Variants in CSMD3 observed in about 807,000 individuals in gnomAD.
The protein encoded by CSMD3 is CUB and Sushi multiple domains 3.
Under a neutral mutation model 435.2 loss-of-function variants are expected in CSMD3, and 177 were observed. The observed-to-expected ratio is 0.41, with a 90% CI of 0.36 to 0.46. The LOEUF is 0.46. Among genes scored for constraint, CSMD3 ranks in the 20% least tolerant of loss-of-function variants. CSMD3 has a pLI of 0.34. For synonymous variants in CSMD3, 1,656 were observed against 1,520.5 expected, an observed-to-expected ratio of 1.09 and a Z score of -2.07; for missense variants, 4,265 against 4,504.6, an observed-to-expected ratio of 0.95 and a Z score of 1.52.
At chr8:113,122,796 T>C (rs978400106) in intron 4 of CSMD3, among the ~76,000 whole-genome samples, 3 of 152,104 alleles carry the variant, frequency 2.0e-5, no homozygotes, top group African/African-American at 7.2e-5. Flanking sequence ...AATTGTAAGA[T>C]AAGTTTTTGT....
chr8:112,798,139 C>T (rs1024600767), intron 13 of CSMD3, among the ~76,000 whole-genome samples: 6 of 151,794 alleles, frequency 4.0e-5, no homozygotes, highest in Non-Finnish European at 7.4e-5. Flanking sequence ...AATATTTGAA[C>T]TTTGCCTTGA....
At chr8:113,196,053 G>C (rs1317875939) in intron 3 of CSMD3, among the ~76,000 whole-genome samples, 1 of 150,254 alleles carries the variant, frequency 6.7e-6, no homozygotes, top group Non-Finnish European at 1.5e-5. Flanking sequence ...ATAAATATTG[G>C]GCGGAAACTT....
chr8:112,897,312 T>C (rs1288307438), intron 10 of CSMD3, among the ~76,000 whole-genome samples: 2 of 151,378 alleles, frequency 1.3e-5, no homozygotes, highest in Non-Finnish European at 3.0e-5. Flanking sequence ...CAGAACATAC[T>C]CTAGTGCCAG....
intron 10 of CSMD3, among the ~76,000 whole-genome samples, chr8:112,890,758 TA>T (rs1256817276): frequency 2.0e-5 from 3 of 151,726 alleles, no homozygotes; most frequent in African/African-American, 7.2e-5. Flanking sequence ...ACCTCAGCCA[TA>T]TAACTTGTTT....
At chr8:113,239,498 T>TTTTCTATCTATC (rs1554584191) in intron 3 of CSMD3, among the ~76,000 whole-genome samples, 1 of 149,004 alleles carries the variant, frequency 6.7e-6, no homozygotes, top group Non-Finnish European at 1.5e-5. Context: ...GTATGTAGTT[T>TTTTCTATCTATC]TATCTATCTA....
chr8:113,061,151 T>C (rs1315473160), intron 5 of CSMD3, among the ~76,000 whole-genome samples: 1 of 152,118 alleles, frequency 6.6e-6, no homozygotes, highest in African/African-American at 2.4e-5. Flanking sequence ...CTCTTTCCAC[T>C]CCTTCTCAGA....
intron 22 of CSMD3, among the ~76,000 whole-genome samples, chr8:112,601,109 A>G (rs780197873): frequency 2.0e-5 from 3 of 152,110 alleles, no homozygotes; most frequent in Non-Finnish European, 2.9e-5. Context: ...GCTGAAAACA[A>G]GAACAAAATA....
intron 5 of CSMD3, among the ~76,000 whole-genome samples, chr8:113,095,873 G>T (rs543844981): frequency 2.0e-5 from 3 of 152,056 alleles, no homozygotes; most frequent in African/African-American, 7.2e-5. Flanking sequence ...AATCAGGGGT[G>T]GTCCTGGAAC....
chr8:113,036,715 T>G (rs2087367479), intron 5 of CSMD3, among the ~76,000 whole-genome samples: 1 of 152,082 alleles, frequency 6.6e-6, no homozygotes, highest in Non-Finnish European at 1.5e-5. Flanking sequence ...ACTGTTTATT[T>G]AAACAAATAT....
intron 1 of CSMD3, among the ~76,000 whole-genome samples, chr8:113,327,769 TAA>T (rs530135184): frequency 2.8e-5 from 4 of 144,112 alleles, no homozygotes; most frequent in African/African-American, 2.5e-5. Flanking sequence ...CTCATTTGTT[TAA>T]AAAAAAAAAA....
At chr8:112,561,468 T>G (rs1465082521) in intron 24 of CSMD3, among the ~76,000 whole-genome samples, 3 of 151,646 alleles carry the variant, frequency 2.0e-5, no homozygotes, top group African/African-American at 7.3e-5. Flanking sequence ...ATTTGAAATC[T>G]ACAAAAAAAT....
At chr8:112,750,008 G>A (rs1006487968) in intron 13 of CSMD3, among the ~76,000 whole-genome samples, 3 of 151,988 alleles carry the variant, frequency 2.0e-5, no homozygotes, top group African/African-American at 7.2e-5. Flanking sequence ...AGCAATCTGC[G>A]AGTATGTTGA....
At chr8:112,399,981 T>C (rs1226062026) in intron 35 of CSMD3, among the ~76,000 whole-genome samples, 5 of 152,162 alleles carry the variant, frequency 3.3e-5, no homozygotes, top group Admixed American at 6.6e-5. Flanking sequence ...TGTAGGCTTT[T>C]TCTAGCATGC....
intron 4 of CSMD3, among the ~76,000 whole-genome samples, chr8:113,127,387 T>A (rs981468440): frequency 1.3e-5 from 2 of 152,048 alleles, no homozygotes; most frequent in Non-Finnish European, 2.9e-5. Context: ...TAATCAGCCA[T>A]CCTTGCATGT....
intron 10 of CSMD3, among the ~76,000 whole-genome samples, chr8:112,900,331 G>T (rs1365468942): frequency 6.6e-6 from 1 of 151,256 alleles, no homozygotes; most frequent in Non-Finnish European, 1.5e-5. Flanking sequence ...TAGAGAAAAT[G>T]ACAGAGGCAT....
intron 41 of CSMD3, among the ~76,000 whole-genome samples, chr8:112,345,202 C>T (rs7845794): frequency 0.49 from 74,665 of 151,854 alleles, 18,646 homozygotes; most frequent in Middle Eastern, 0.57. Flanking sequence ...AAATTTAAAA[C>T]AGAACTACCA....
At chr8:113,432,563 A>C (rs2094681111) in intron 1 of CSMD3, among the ~76,000 whole-genome samples, 1 of 152,136 alleles carries the variant, frequency 6.6e-6, no homozygotes, top group African/African-American at 2.4e-5. Flanking sequence ...CCCTTGCAGC[A>C]CTTGAGCCGG....
chr8:112,612,116 A>C (rs898407436), intron 22 of CSMD3, among the ~76,000 whole-genome samples: 1 of 152,190 alleles, frequency 6.6e-6, no homozygotes, highest in Non-Finnish European at 1.5e-5. Flanking sequence ...AGAGAACCTA[A>C]TCAGGTTTTA....
intron 7 of CSMD3, among the ~76,000 whole-genome samples, chr8:112,957,738 C>T (rs1343651492): frequency 6.7e-6 from 1 of 149,256 alleles, no homozygotes; most frequent in Non-Finnish European, 1.5e-5. Flanking sequence ...AAACCCACAG[C>T]TCCCGGGCGT....
Sources: gnomAD v4.1 joint callset for allele counts (sites outside exome capture counted in the v4.1 genomes callset) on GRCh38, gnomAD v4.1.1 for gene constraint, MANE v1.5 for transcripts, NCBI Gene and HGNC (gene_info 2026-07-23, HGNC 2026-07-21) for gene names.